MAML2: variants seen among roughly 807,000 people sequenced by gnomAD.
MAML2 encodes the protein mastermind-like protein 2.
In MAML2, 22 loss-of-function variants were observed where a neutral mutation model predicts 96.1. That is an observed-to-expected ratio of 0.23 (90% CI 0.16 to 0.33). The LOEUF (loss-of-function observed/expected upper bound fraction) is 0.33, where lower values mean the gene tolerates loss of function less well. Among genes scored for constraint, MAML2 ranks in the 10% least tolerant of loss-of-function variants. The pLI is 1.00. For missense variants in MAML2, 1,367 were observed against 1,392.4 expected (o/e 0.98, Z 0.29); for synonymous variants, 561 against 521.3 (o/e 1.08, Z -1.04).
chr11:96,229,343 T>G (rs1035028679), intron 1 of MAML2, among the ~76,000 whole-genome samples: 9 of 151,520 alleles, frequency 5.9e-5, no homozygotes, highest in African/African-American at 2.2e-4. Context: ...TACGTAAGAG[T>G]GTTTTCTAAT....
At chr11:96,182,941 G>A (rs573507292) in intron 1 of MAML2, among the ~76,000 whole-genome samples, 123 of 148,386 alleles carry the variant, frequency 8.3e-4, no homozygotes, top group African/African-American at 2.8e-3. Flanking sequence ...TCTTCTTCTT[G>A]GACATCCTTT....
chr11:96,326,275 G>T (rs1173742791), intron 1 of MAML2, among the ~76,000 whole-genome samples: 1 of 151,978 alleles, frequency 6.6e-6, no homozygotes, highest in South Asian at 2.1e-4. Flanking sequence ...ATTTAAACCT[G>T]GGAAGAATTT....
At chr11:96,042,091 C>G (rs1057233148) in intron 2 of MAML2, among the ~76,000 whole-genome samples, 3 of 152,064 alleles carry the variant, frequency 2.0e-5, no homozygotes, top group African/African-American at 7.2e-5. Flanking sequence ...ATTCTCCTGC[C>G]TCAGCCTCCC....
chr11:96,043,101 G>A (rs1038908887), intron 2 of MAML2, among the ~76,000 whole-genome samples: 1 of 151,980 alleles, frequency 6.6e-6, no homozygotes, highest in Non-Finnish European at 1.5e-5. Context: ...GGTTCTCCAG[G>A]GAACACACAA....
Position 96,197,507 on chromosome 11 carries a change from G to A in MAML2, c.514-103990C>T, listed in dbSNP as rs183581842. The stretch of plus-strand genomic sequence containing the variant: ...GCCACTCCAGAAAAAATATAAGGGG[G>A]ACTAGGGCAAAAGAAAATCTCTTAT... On this transcript the variant is annotated intron_variant, in intron 1 of 4. Coordinates refer to ENST00000524717, the MANE Select transcript of MAML2 (RefSeq NM_032427.4). Among the ~76,000 whole-genome samples, 51 of 152,248 alleles carry A rather than the reference G, an allele frequency of 3.3e-4. 1 individual carries two copies. In the East Asian group the frequency reaches 4.8e-3, roughly 14 times the overall value.
intron 1 of MAML2, among the ~76,000 whole-genome samples, chr11:96,095,927 C>T (rs1259468587): frequency 6.6e-6 from 1 of 152,142 alleles, no homozygotes; most frequent in Admixed American, 6.5e-5. Context: ...CTAATCTTGT[C>T]CACTCACTGG....
chr11:96,101,774 TG>T (rs56903119), intron 1 of MAML2, among the ~76,000 whole-genome samples: 34,266 of 152,028 alleles, frequency 0.23, 4,085 homozygotes, highest in Middle Eastern at 0.34. Flanking sequence ...GACTATCCTA[TG>T]GACAAGGCAT....
chr11:96,314,778 C>T (rs1196078936), intron 1 of MAML2, among the ~76,000 whole-genome samples: 1 of 152,174 alleles, frequency 6.6e-6, no homozygotes, highest in African/African-American at 2.4e-5. Flanking sequence ...GGCACAGAAA[C>T]AGCCTTCCTT....
At chr11:96,316,844 G>C (rs1024868427) in intron 1 of MAML2, among the ~76,000 whole-genome samples, 4 of 151,908 alleles carry the variant, frequency 2.6e-5, no homozygotes, top group Non-Finnish European at 4.4e-5. Context: ...TCCTGAACTG[G>C]GCCAAAGTGG....
chr11:96,123,433 G>C (rs1352194398), intron 1 of MAML2, among the ~76,000 whole-genome samples: 2 of 152,120 alleles, frequency 1.3e-5, no homozygotes, highest in African/African-American at 4.8e-5. Flanking sequence ...GCCCAGTAAT[G>C]CTTGTTGAAT....
At chr11:96,018,853 T>G (rs1858394985) in intron 2 of MAML2, among the ~76,000 whole-genome samples, 1 of 152,166 alleles carries the variant, frequency 6.6e-6, no homozygotes, top group African/African-American at 2.4e-5. Flanking sequence ...CCTCCCAAAG[T>G]GCTGGGATTA....
At chr11:96,115,436 C>A (rs539770617) in intron 1 of MAML2, among the ~76,000 whole-genome samples, 1 of 150,340 alleles carries the variant, frequency 6.7e-6, no homozygotes, top group Non-Finnish European at 1.5e-5. Context: ...TGAAGCACTG[C>A]GATTACAGAC....
rs571053688 is a variant in MAML2, at chr11:96,317,800, C to T, written c.513+23583G>A. Among the ~76,000 whole-genome samples the T allele has an allele frequency of 1.9e-3, 290 of 152,320 alleles. 1 individual carries two copies. The highest frequency in any genetic ancestry group is 6.8e-3 in the African/African-American group (283 of 41,574). On this transcript the variant is annotated intron_variant, in intron 1 of 4. Transcript: ENST00000524717. ...GGAGACAGAAACCCCAGGGCACCTG[C>T]GTCTTTCTTCTCCAGGTTCCTTTGC...
chr11:96,305,093 A>AT (rs901908404), intron 1 of MAML2, among the ~76,000 whole-genome samples: 15 of 152,080 alleles, frequency 9.9e-5, no homozygotes, highest in Non-Finnish European at 7.4e-5. Context: ...ACTTTAATCC[A>AT]TTTTTCAGTA....
At chr11:96,090,913 T>G (rs1177619607) in intron 2 of MAML2, among the ~76,000 whole-genome samples, 1 of 152,216 alleles carries the variant, frequency 6.6e-6, no homozygotes, top group Non-Finnish European at 1.5e-5. Flanking sequence ...GATAATTTTT[T>G]GACATATAAT....
intron 1 of MAML2, among the ~76,000 whole-genome samples, chr11:96,220,394 C>T (rs1352102274): frequency 6.6e-6 from 1 of 152,106 alleles, no homozygotes; most frequent in Non-Finnish European, 1.5e-5. Context: ...CTAGTGGCAC[C>T]GGACATGGTG....
chr11:96,173,697 TG>T (rs1399386717), intron 1 of MAML2, among the ~76,000 whole-genome samples: 1 of 152,168 alleles, frequency 6.6e-6, no homozygotes, highest in Non-Finnish European at 1.5e-5. Context: ...CCCTCAGCGA[TG>T]GCAGAGGCCA....
At chr11:96,192,657 A>C (rs1486284502) in intron 1 of MAML2, among the ~76,000 whole-genome samples, 2 of 152,236 alleles carry the variant, frequency 1.3e-5, no homozygotes, top group Admixed American at 1.3e-4. Context: ...ATTTGTCTAT[A>C]TGCTAGCATT....
intron 1 of MAML2, among the ~76,000 whole-genome samples, chr11:96,128,733 A>G (rs1175818607): frequency 6.6e-6 from 1 of 152,240 alleles, no homozygotes; most frequent in Non-Finnish European, 1.5e-5. Flanking sequence ...AAACAGCTCA[A>G]ATGTAGAGTT....
Sources: allele counts gnomAD v4.1 joint callset (sites outside exome capture counted in the v4.1 genomes callset), GRCh38; gene constraint gnomAD v4.1.1; transcripts MANE v1.5; gene names NCBI Gene and HGNC (gene_info 2026-07-23, HGNC 2026-07-21).